The following KCNQ1 variants were observed in gnomAD, a reference collection of about 807,000 sequenced individuals.
The protein encoded by KCNQ1 is potassium voltage-gated channel subfamily Q member 1.
Under a neutral mutation model 72.4 loss-of-function variants are expected in KCNQ1, and 49 were observed. The ratio of observed to expected loss-of-function variants is 0.68; its 90% CI spans 0.54 to 0.86. KCNQ1 has a LOEUF of 0.86. Ranked by LOEUF, KCNQ1 falls within the 40% of genes least tolerant of loss-of-function variation. The pLI is 0.00. For synonymous variants in KCNQ1, 450 were observed against 412.6 expected (o/e 1.09, Z -1.10); for missense variants, 790 against 945.1 (o/e 0.84, Z 2.15).
At chr11:2,485,096 T>C (rs1010724875) in intron 1 of KCNQ1, among the ~76,000 whole-genome samples, 1 of 152,220 alleles carries the variant, frequency 6.6e-6, no homozygotes, top group Non-Finnish European at 1.5e-5. Context: ...TCAGTGCTTT[T>C]CCCCACGGTG....
rs1228436949 is a variant in KCNQ1 at position 2,541,675 on chromosome 11, T to G, written c.477+13657T>G. On this transcript the variant is annotated intron_variant, in intron 2 of 15. Transcript: ENST00000155840. This position sits in a 1 kb window ranked among gnomAD's most constrained non-coding sequence, Gnocchi z 4.8. ...AAAGCCCCCTTCTGCTCAAGTTCTC[T>G]TGCTTCATCTCAGGCTCAGGTGTTT... Among the ~76,000 whole-genome samples, 1 of 151,452 alleles carries G rather than the reference T, an allele frequency of 6.6e-6. No individual in the cohort carries two copies. Among genetic ancestry groups the G allele is most frequent in the Non-Finnish European group, 1.5e-5 (1 of 67,942 alleles).
chr11:2,646,915 A>G (rs776565467), intron 10 of KCNQ1: 1 of 398,658 alleles, frequency 2.5e-6, no homozygotes, highest in Non-Finnish European at 4.4e-6. Context: ...TTTTCTATGT[A>G]TAAGATTATG....
At chr11:2,694,589 T>C (rs1457154559) in intron 11 of KCNQ1, 1 of 398,504 alleles carries the variant, frequency 2.5e-6, no homozygotes. Context: ...CACACTTTCC[T>C]GGCCTGGCCT....
At chr11:2,512,097 T>A (rs980017213) in intron 1 of KCNQ1, among the ~76,000 whole-genome samples, 5 of 152,158 alleles carry the variant, frequency 3.3e-5, no homozygotes, top group African/African-American at 4.8e-5. Flanking sequence ...CAGGGTTAGG[T>A]GCCTCCCAAA....
intron 10 of KCNQ1, chr11:2,629,335 T>C (rs570115788): frequency 1.9e-4 from 75 of 398,458 alleles, no homozygotes; most frequent in African/African-American, 1.1e-3. Context: ...CTAAATGTTA[T>C]GCAGTCCAAT....
intron 15 of KCNQ1, among the ~76,000 whole-genome samples, chr11:2,835,084 C>G (rs1848032825): frequency 6.6e-6 from 1 of 152,104 alleles, no homozygotes; most frequent in African/African-American, 2.4e-5. Context: ...GGGTGCAGGC[C>G]CGGGGGCTGG....
At chr11:2,733,814 ACTCTCT>A (rs1554914246) in intron 11 of KCNQ1, among the ~76,000 whole-genome samples, 5 of 86,610 alleles carry the variant, frequency 5.8e-5, no homozygotes, top group Admixed American at 1.2e-4. Flanking sequence ...ACACACACAC[ACTCTCT>A]CACTCTCTCT....
Position 2,544,256 on chromosome 11 carries a change from ATATGTG to A in KCNQ1, c.477+16240_477+16245del, listed in dbSNP as rs1317196557. Among the ~76,000 whole-genome samples the A allele has an allele frequency of 1.4e-5, 2 of 143,620 alleles. No individual in the cohort carries two copies. Among genetic ancestry groups the A allele is most frequent in the Non-Finnish European group, 3.0e-5 (2 of 67,024 alleles). 94.2% of individuals were successfully genotyped at this position (143,620 alleles called of 152,430 possible). Reference sequence around the variant, plus strand: ...TATATATGTGTGTGTGTGTATATATATATGTGTGTGTGTGTATATATATGTGTATAT... The same window carrying A: ...TATATATGTGTGTGTGTGTATATATATGTGTGTGTATATATATGTGTATAT... On this transcript the variant is annotated intron_variant, in intron 2 of 15. Coordinates refer to ENST00000155840, the MANE Select transcript of KCNQ1 (RefSeq NM_000218.3). This position sits in a 1 kb window ranked among gnomAD's most constrained non-coding sequence, Gnocchi z 4.4.
At position 2,740,733 on chromosome 11, in the gene KCNQ1, C is replaced by A. The variant is rs77666090; in HGVS notation, c.1515-28111C>A. ...TTCCTGCTCCTAGGGGCGCCCACAT[C>A]CCTTGGATCATGGCCCCTCCTTCAC... On this transcript the variant is annotated intron_variant, in intron 11 of 15. Coordinates refer to ENST00000155840, the MANE Select transcript of KCNQ1 (RefSeq NM_000218.3). Among the ~76,000 whole-genome samples the A allele has an allele frequency of 5.8e-3, 889 of 152,350 alleles. 13 individuals are homozygous for A. Among genetic ancestry groups the A allele is most frequent in the African/African-American group, 0.02 (849 of 41,582 alleles).
chr11:2,573,013 G>T (rs1453999963), intron 6 of KCNQ1, 27 bp downstream of exon 6: 1 of 1,609,258 alleles, frequency 6.2e-7, no homozygotes. Flanking sequence ...CAGGCATGGG[G>T]ACAGGGGCAG....
At position 2,715,676 on chromosome 11, in the gene KCNQ1, G is replaced by A; in HGVS notation, c.1515-53168G>A. 6.6e-6 allele frequency among the ~76,000 whole-genome samples: 1 copy of A among 152,208 alleles called. No homozygotes were observed. The highest frequency in any genetic ancestry group is 1.9e-4 in the East Asian group (1 of 5,186). ...GGTCAAACACAGAAGGACCTCTTGG[G>A]GGAAGGGGAACCAGCAAAGGGGGTA... On this transcript the variant is annotated intron_variant, in intron 11 of 15. Coordinates refer to ENST00000155840, the MANE Select transcript of KCNQ1 (RefSeq NM_000218.3). The surrounding 1 kb of genome is among the most constrained non-coding windows in gnomAD (Gnocchi z 4.9).
chr11:2,461,958 G>T (rs1243718831), intron 1 of KCNQ1: 2 of 375,184 alleles, frequency 5.3e-6, no homozygotes, highest in South Asian at 3.9e-5. Flanking sequence ...CCTGGGGGAA[G>T]GTCTGGAGAG....
In KCNQ1 at chr11:2,502,010, A is replaced by G. The variant is rs1260676921; in HGVS notation, c.387-25918A>G. On this transcript the variant is annotated intron_variant, in intron 1 of 15. Coordinates refer to ENST00000155840, the MANE Select transcript of KCNQ1 (RefSeq NM_000218.3). Reference sequence around the variant, plus strand: ...AAATTCCACATCCCTTCAACATAAAAACTGTCAAAAACCTAGGTATAGAAG... The same window carrying G: ...AAATTCCACATCCCTTCAACATAAAGACTGTCAAAAACCTAGGTATAGAAG... 2.0e-5 allele frequency among the ~76,000 whole-genome samples: 3 copies of G among 152,088 alleles called. No individual in the cohort carries two copies. In the East Asian group the frequency reaches 5.8e-4, roughly 29 times the overall value.
At chr11:2,557,164 G>T (rs1848084681) in intron 2 of KCNQ1, among the ~76,000 whole-genome samples, 1 of 152,170 alleles carries the variant, frequency 6.6e-6, no homozygotes, top group Non-Finnish European at 1.5e-5. Context: ...AAGAAAAGGA[G>T]AGAAAAAACA....
chr11:2,738,453 G>A (rs1371847206), intron 11 of KCNQ1, among the ~76,000 whole-genome samples: 1 of 152,214 alleles, frequency 6.6e-6, no homozygotes, highest in Non-Finnish European at 1.5e-5. Context: ...GCACTAGCGT[G>A]TGTGACAAGG....
chr11:2,699,241 A>C lies in KCNQ1; in HGVS notation c.1514+37160A>C, dbSNP rs765138151. 7.5e-6 allele frequency: 3 copies of C among 398,674 alleles called. No individual in the cohort carries two copies. The Admixed American group carries it at 1.3e-4, about 18-fold the overall frequency. 24.7% of individuals were successfully genotyped at this position (398,674 alleles called of 1,614,324 possible). On this transcript the variant is annotated intron_variant, in intron 11 of 15. Transcript: ENST00000155840. Reference sequence around the variant, plus strand: ...GACCTCGACCCTGGCCACGCTGTCCATAAGGTGCAGATGGGAGCGCACTGC... The same window carrying C: ...GACCTCGACCCTGGCCACGCTGTCCCTAAGGTGCAGATGGGAGCGCACTGC...
At position 2,628,692 on chromosome 11, in the gene KCNQ1, A is replaced by G. The variant is rs761465341; in HGVS notation, c.1394-33269A>G. Reference sequence around the variant, plus strand: ...TTATTCCTTGTGCTTTTGATGTCACATCTAAAAAATTGTCACAAAAACCAA... The same window carrying G: ...TTATTCCTTGTGCTTTTGATGTCACGTCTAAAAAATTGTCACAAAAACCAA... On this transcript the variant is annotated intron_variant, in intron 10 of 15. Transcript: ENST00000155840. The G allele has an allele frequency of 1.4e-4, 57 of 398,244 alleles. 1 individual carries two copies. Among genetic ancestry groups the G allele is most frequent in the South Asian group, 6.4e-4 (5 of 7,858 alleles). The allele number at this position is 398,244 out of a possible 1,614,324, so 24.7% of individuals were successfully genotyped here.
chr11:2,597,255 C>T (rs1441629291), intron 10 of KCNQ1, among the ~76,000 whole-genome samples: 1 of 152,120 alleles, frequency 6.6e-6, no homozygotes, highest in East Asian at 1.9e-4. Flanking sequence ...TAAATTGATA[C>T]AAACCTCTGT....
chr11:2,768,937 C>T lies in KCNQ1; in HGVS notation c.1590+18C>T. 2 of 1,596,058 alleles carry T rather than the reference C, an allele frequency of 1.3e-6. No individual in the cohort carries two copies. Among genetic ancestry groups the T allele is most frequent in the Non-Finnish European group, 1.7e-6 (2 of 1,163,942 alleles). ...AATTCCAGGTAAGCCCTGTGCTGAGCCTTCCTGCCCTCAGCCTGCCCCTCG... is the reference window on the plus strand; with the variant it reads ...AATTCCAGGTAAGCCCTGTGCTGAGTCTTCCTGCCCTCAGCCTGCCCCTCG... On this transcript the variant is annotated intron_variant, in intron 12 of 15. Coordinates refer to ENST00000155840, the MANE Select transcript of KCNQ1 (RefSeq NM_000218.3). This position sits in a 1 kb window ranked among gnomAD's most constrained non-coding sequence, Gnocchi z 6.7.
Sources: gnomAD v4.1 joint callset for allele counts (sites outside exome capture counted in the v4.1 genomes callset) on GRCh38, gnomAD v4.1.1 for gene constraint, Gnocchi (gnomAD v3.1) non-coding constraint, MANE v1.5 for transcripts, NCBI Gene and HGNC (gene_info 2026-07-23, HGNC 2026-07-21) for gene names.